PLIN4: variants seen among roughly 807,000 people sequenced by gnomAD.
The protein encoded by PLIN4 is perilipin 4.
In PLIN4, 57 loss-of-function variants were observed where a neutral mutation model predicts 52.4. The ratio of observed to expected loss-of-function variants is 1.09; its 90% confidence interval spans 0.88 to 1.36. The LOEUF (loss-of-function observed/expected upper bound fraction) is 1.36. PLIN4 is among the 40% of genes most tolerant of loss of function. The pLI is 0.00. For missense variants in PLIN4, 1,757 were observed against 1,770.3 expected (o/e 0.99, Z 0.13); for synonymous variants, 826 against 785.4 (o/e 1.05, Z -0.86).
rs1976387502 is a variant in PLIN4 at position 4,511,954 on chromosome 19, C to T, written c.2006G>A (p.Ser669Asn). 1 of 1,603,760 alleles carries T rather than the reference C, an allele frequency of 6.2e-7. No homozygotes were observed. The highest frequency in any genetic ancestry group is 8.5e-7 in the Non-Finnish European group (1 of 1,174,146). Residue 669 changes from serine (S) to asparagine (N), a missense_variant, in exon 5 of 8, where the codon AGT (serine) becomes AAT (asparagine). Ser to Asn is a conservative substitution (Grantham distance 46). This residue lies in a region of PLIN4 where 439 missense variants were observed against 406.4 expected (regional missense o/e 1.08). Transcript: ENST00000301286. ...IATGTKNTFG[S>N]GVTSAVNVAK... The stretch of plus-strand genomic sequence containing the variant: ...CACATTCACAGCACTGGTCACCCCA[C>T]TGCCAAAGGTGTTCTTTGTACCTGT...
At chr19:4,516,356 T>C (rs981421619) in intron 4 of PLIN4, among the ~76,000 whole-genome samples, 1 of 151,384 alleles carries the variant, frequency 6.6e-6, no homozygotes, top group African/African-American at 2.4e-5. Context: ...CAGCCCTGTG[T>C]AGACTGGAAC....
rs539059452 is a variant in PLIN4, at chr19:4,517,852, C to A, written c.52-154G>T. On this transcript the variant is annotated intron_variant, in intron 2 of 7. Transcript: ENST00000301286. ...TTCAGCCACTCAGCCTCAATTTCCACACCTGGGCAATGGGCAGACTCAGCC... is the reference window on the plus strand; with the variant it reads ...TTCAGCCACTCAGCCTCAATTTCCAAACCTGGGCAATGGGCAGACTCAGCC... 4.9e-5 allele frequency: 49 copies of A among 1,006,674 alleles called. No individual in the cohort carries two copies. In the African/African-American group the frequency reaches 7.0e-4, roughly 14 times the overall value. 62.4% of individuals were successfully genotyped at this position (1,006,674 alleles called of 1,614,324 possible).
intron 6 of PLIN4, among the ~76,000 whole-genome samples, chr19:4,507,741 C>T (rs962832289): frequency 5.9e-5 from 9 of 152,230 alleles, no homozygotes; most frequent in East Asian, 3.9e-4. Flanking sequence ...TTCTGCCTCC[C>T]GGGCTGCACA....
chr19:4,507,874 C>G (rs1041609223), intron 6 of PLIN4, among the ~76,000 whole-genome samples: 2 of 152,114 alleles, frequency 1.3e-5, no homozygotes, highest in African/African-American at 4.8e-5. Context: ...CCGGCCCCAA[C>G]GTCCACATTG....
chr19:4,507,232 G>A lies in PLIN4; in HGVS notation c.3702+1536C>T, dbSNP rs1360597726. ...ATCCTGACCGAGGGCGGCATCTCAA[G>A]GTTTCTCACGGCCCGCCGGGGTGGG... On this transcript the variant is annotated intron_variant, in intron 6 of 7. Coordinates refer to ENST00000301286, the MANE Select transcript of PLIN4 (RefSeq NM_001367868.2). Among the ~76,000 whole-genome samples the A allele has an allele frequency of 3.3e-5, 5 of 152,244 alleles. 1 individual carries two copies. The highest frequency in any genetic ancestry group is 3.3e-4 in the Admixed American group (5 of 15,292).
rs199944112 is a variant in PLIN4, at chr19:4,512,878, G to A, written c.1082C>T (p.Thr361Ile). 2.7e-5 allele frequency: 38 copies of A among 1,417,512 alleles called. 6 individuals carry two copies. The African/African-American group carries it at 1.1e-3, about 40-fold the overall frequency. The allele number at this position is 1,417,512 out of a possible 1,614,324, so 87.8% of individuals were successfully genotyped here. The change falls in exon 5 of 8, where the codon ACT becomes ATT. Residue 361 changes from threonine to isoleucine, a missense_variant. Coordinates refer to ENST00000301286, the MANE Select transcript of PLIN4 (RefSeq NM_001367868.2). ...TIQTGVDTTKTVLTGTKNTVC... is the reference protein window; with the variant it reads ...TIQTGVDTTKIVLTGTKNTVC... ...AGTGTTCTTGGTGCCAGTTAGGACA[G>A]TCTTGGTGGTGTCCACGCCGGTCTG...
intron 1 of PLIN4, 28 bp downstream of exon 1, chr19:4,518,357 C>T (rs1304719942): frequency 1.6e-6 from 2 of 1,232,100 alleles, no homozygotes; most frequent in African/African-American, 1.6e-5. Flanking sequence ...CCACTCCCCA[C>T]TGAAAGCCTG....
chr19:4,510,826 G>A lies in PLIN4; in HGVS notation c.3134C>T (p.Thr1045Ile). ...MGSGNVATGA[T>I]HTGLSTFQNW... ...CTGGAAGGTGCTGAGGCCAGTGTGG[G>A]TGGCCCCTGTCGCCACGTTCCCTGA... The change falls in exon 5 of 8, where the codon ACC becomes ATC. Residue 1045 changes from threonine (T) to isoleucine (I), a missense_variant. This residue lies in a region of PLIN4 where 712 missense variants were observed against 637.1 expected (regional missense o/e 1.12). Coordinates refer to ENST00000301286, the MANE Select transcript of PLIN4 (RefSeq NM_001367868.2). The A allele has an allele frequency of 6.2e-7, 1 of 1,611,738 alleles. No homozygotes were observed. Among genetic ancestry groups the A allele is most frequent in the Non-Finnish European group, 8.5e-7 (1 of 1,178,370 alleles).
intron 6 of PLIN4, 26 bp from the exon 7 acceptor site, chr19:4,504,973 T>A (rs745359686): frequency 6.3e-7 from 1 of 1,575,072 alleles, no homozygotes; most frequent in South Asian, 1.2e-5. Context: ...AGTGGGGAAA[T>A]GATGGCTTCT....
chr19:4,504,129 G>A lies in PLIN4; in HGVS notation c.*330C>T, dbSNP rs76496557. ...ACAGATGCCCTTCCAGGCTGGGCAC[G>A]CTGCTTTTTCTCTTTCCTAATTGCA... On this transcript the variant is annotated 3_prime_UTR_variant, in exon 8 of 8. Coordinates refer to ENST00000301286, the MANE Select transcript of PLIN4 (RefSeq NM_001367868.2). 2.6e-3 allele frequency: 706 copies of A among 266,564 alleles called. 1 individual carries two copies. Among genetic ancestry groups the A allele is most frequent in the Non-Finnish European group, 3.7e-3 (532 of 142,224 alleles). The allele number at this position is 266,564 out of a possible 1,614,324, so 16.5% of individuals were successfully genotyped here. A position where few individuals can be genotyped will look rare whatever the true frequency, so the allele number is the denominator to read the frequency against.
chr19:4,507,316 C>T lies in PLIN4; in HGVS notation c.3702+1452G>A, dbSNP rs181815600. On this transcript the variant is annotated intron_variant, in intron 6 of 7. Transcript: ENST00000301286. ...GCTGGGCACGGTGGCTCACGCCTGTCATCCCAGCACTTTGGGAGGCCAAGG... is the reference window on the plus strand; with the variant it reads ...GCTGGGCACGGTGGCTCACGCCTGTTATCCCAGCACTTTGGGAGGCCAAGG... Among the ~76,000 whole-genome samples the T allele has an allele frequency of 4.5e-3, 682 of 152,338 alleles. 2 individuals are homozygous for T. Among genetic ancestry groups the T allele is most frequent in the Non-Finnish European group, 7.0e-3 (473 of 68,024 alleles).
In PLIN4 at chr19:4,502,253, G is replaced by A. The variant is rs1443229380; in HGVS notation, c.*2206C>T. The A allele has an allele frequency of 8.4e-6, 5 of 598,432 alleles. No individual in the cohort carries two copies. Among genetic ancestry groups the A allele is most frequent in the Non-Finnish European group, 1.5e-5 (5 of 328,616 alleles). The allele number at this position is 598,432 out of a possible 1,614,324, so 37.1% of individuals were successfully genotyped here. On this transcript the variant is annotated 3_prime_UTR_variant, in exon 8 of 8. Coordinates refer to ENST00000301286, the MANE Select transcript of PLIN4 (RefSeq NM_001367868.2). ...GGTTTTCTAGCATTGCTGGTGCAGT[G>A]GGGGCCTGAGCTGGGGCGCAGGCGG...
At position 4,502,224 on chromosome 19, in the gene PLIN4, G is replaced by T; in HGVS notation, c.*2235C>A. On this transcript the variant is annotated 3_prime_UTR_variant, in exon 8 of 8. Coordinates refer to ENST00000301286, the MANE Select transcript of PLIN4 (RefSeq NM_001367868.2). ...ATGAAAAAAGAAATCACTTTTATTG[G>T]CTTGGTTTTCTAGCATTGCTGGTGC... is the stretch of plus-strand genomic sequence containing the variant. 1 of 652,266 alleles carries T rather than the reference G, an allele frequency of 1.5e-6. No individual in the cohort carries two copies. The highest frequency in any genetic ancestry group is 2.8e-6 in the Non-Finnish European group (1 of 362,216). 40.4% of individuals were successfully genotyped at this position (652,266 alleles called of 1,614,324 possible).
At chr19:4,506,990 G>A (rs764277550) in intron 6 of PLIN4, among the ~76,000 whole-genome samples, 33 of 152,166 alleles carry the variant, frequency 2.2e-4, no homozygotes, top group Non-Finnish European at 3.7e-4. Flanking sequence ...TCTGGGGTGG[G>A]GCCACCCTGG....
rs557598163 is a variant in PLIN4, at chr19:4,514,552, T to C, written c.259-851A>G. Among the ~76,000 whole-genome samples the C allele has an allele frequency of 2.3e-3, 343 of 151,178 alleles. 2 individuals carry two copies. Among genetic ancestry groups the C allele is most frequent in the African/African-American group, 7.7e-3 (318 of 41,136 alleles). Reference sequence around the variant, plus strand: ...CATCCTGGCTAACACAGTGAAACCCTGTCTCTACTAAAAAAATACAAAAAA... The same window carrying C: ...CATCCTGGCTAACACAGTGAAACCCCGTCTCTACTAAAAAAATACAAAAAA... On this transcript the variant is annotated intron_variant, in intron 4 of 7. Coordinates refer to ENST00000301286, the MANE Select transcript of PLIN4 (RefSeq NM_001367868.2).
intron 4 of PLIN4, among the ~76,000 whole-genome samples, 195 bp from the exon 5 acceptor site, chr19:4,513,896 T>G (rs1365881826): frequency 6.6e-6 from 1 of 152,206 alleles, no homozygotes; most frequent in Admixed American, 6.5e-5. Context: ...GGCTGTGGTG[T>G]GGCACCCTGG....
rs770604551 is a variant in PLIN4, at chr19:4,512,911, C to T, written c.1049G>A (p.Gly350Glu). ...GGTGTCCACGCCGGTCTGGATGGTT[C>T]CTTTGGCCACATTCATGGCACCAGT... ...GVTGAMNVAK[G>E]TIQTGVDTTK... The change falls in exon 5 of 8, where the codon GGA becomes GAA. Residue 350 changes from glycine to glutamate, a missense_variant. Around this residue, in one of 7 missense-constraint regions of PLIN4, gnomAD observed 99 missense variants for 143.4 expected, o/e 0.69. Transcript: ENST00000301286. 2 of 1,576,364 alleles carry T rather than the reference C, an allele frequency of 1.3e-6. No homozygotes were observed.
In PLIN4 at chr19:4,508,951, C is replaced by G. The variant is rs779366434; in HGVS notation, c.3519G>C (p.Gln1173His). The stretch of plus-strand genomic sequence containing the variant: ...TTGGCCCAGGCTGGGAGGCAGCCAG[C>G]TGAGCTGGAAAGGAAGGCGCACCGC... ...FHPMNAEEQA[Q>H]LAASQPGPKV... Residue 1173 changes from glutamine to histidine, a missense_variant, in exon 6 of 8, where the codon CAG (glutamine) becomes CAC (histidine). Gln to His is a conservative substitution (Grantham distance 24). Around this residue, in one of 7 missense-constraint regions of PLIN4, gnomAD observed 712 missense variants for 637.1 expected, o/e 1.12. Coordinates refer to ENST00000301286, the MANE Select transcript of PLIN4 (RefSeq NM_001367868.2). 6.2e-7 allele frequency: 1 copy of G among 1,610,114 alleles called. No homozygotes were observed. The highest frequency in any genetic ancestry group is 8.5e-7 in the Non-Finnish European group (1 of 1,178,550).
chr19:4,502,501 G>C lies in PLIN4; in HGVS notation c.*1958C>G, dbSNP rs995396666. On this transcript the variant is annotated 3_prime_UTR_variant, in exon 8 of 8. Coordinates refer to ENST00000301286, the MANE Select transcript of PLIN4 (RefSeq NM_001367868.2). ...GAGGCTGGGGGGTTTGATGCTTCCTGCATCTGGCAGCCCAGGGTCCAGGCA... is the reference window on the plus strand; with the variant it reads ...GAGGCTGGGGGGTTTGATGCTTCCTCCATCTGGCAGCCCAGGGTCCAGGCA... 19 of 277,648 alleles carry C rather than the reference G, an allele frequency of 6.8e-5. No homozygotes were observed. Among genetic ancestry groups the C allele is most frequent in the Non-Finnish European group, 1.4e-5 (2 of 145,498 alleles). The allele number at this position is 277,648 out of a possible 1,614,324, so 17.2% of individuals were successfully genotyped here.
Sources: allele counts gnomAD v4.1 joint callset (sites outside exome capture counted in the v4.1 genomes callset), GRCh38; gene constraint gnomAD v4.1.1; regional missense constraint gnomAD v4.1.1; transcripts MANE v1.5; gene names NCBI Gene and HGNC (gene_info 2026-07-23, HGNC 2026-07-21).